The following ZNF573 variants were observed in gnomAD, a reference collection of about 807,000 sequenced individuals.
The protein encoded by ZNF573 is zinc finger protein 573.
Under a neutral mutation model 57.4 loss-of-function variants are expected in ZNF573, and 41 were observed. The ratio of observed to expected loss-of-function variants is 0.71; its 90% CI spans 0.56 to 0.93. The LOEUF (loss-of-function observed/expected upper bound fraction) is 0.93. ZNF573 is among the 40% of genes least tolerant of loss of function. The pLI is 0.00. For synonymous variants in ZNF573, 249 were observed against 261.0 expected (o/e 0.95, Z 0.44); for missense variants, 730 against 794.8 (o/e 0.92, Z 0.98).
chr19:37,768,775 C>T (rs2045625018), intron 4 of ZNF573, among the ~76,000 whole-genome samples: 1 of 151,852 alleles, frequency 6.6e-6, no homozygotes, highest in East Asian at 1.9e-4. Context: ...ATGCCATTCT[C>T]CTGCCTCAGC....
chr19:37,760,430 G>A (rs772660641), intron 4 of ZNF573, among the ~76,000 whole-genome samples: 2 of 152,100 alleles, frequency 1.3e-5, no homozygotes. Context: ...GATAGTATAG[G>A]ATTATAACTC....
intron 4 of ZNF573, among the ~76,000 whole-genome samples, chr19:37,740,972 G>A (rs1198619296): frequency 6.6e-6 from 1 of 152,212 alleles, no homozygotes; most frequent in Non-Finnish European, 1.5e-5. Context: ...AAGCCTGTAT[G>A]TGGTCAGTAC....
At chr19:37,761,651 T>G (rs2045554428) in intron 4 of ZNF573, among the ~76,000 whole-genome samples, 1 of 152,180 alleles carries the variant, frequency 6.6e-6, no homozygotes, top group Non-Finnish European at 1.5e-5. Context: ...AAGGAATACG[T>G]GTTCTGAGAG....
At chr19:37,740,463 C>A in intron 4 of ZNF573, 2 of 456,742 alleles carry the variant, frequency 4.4e-6, no homozygotes, top group South Asian at 4.1e-5. Flanking sequence ...TATATTGGCA[C>A]CGTCAAAGAC....
In ZNF573 at chr19:37,739,048, G is replaced by A. The variant is rs1159129215; in HGVS notation, c.1442C>T (p.Thr481Ile). 3 of 1,612,378 alleles carry A rather than the reference G, an allele frequency of 1.9e-6. No homozygotes were observed. The highest frequency in any genetic ancestry group is 2.5e-6 in the Non-Finnish European group (3 of 1,179,506). The part of the protein sequence containing the change: ...ECQECGKAYS[T>I]GSNLIQHRKT... ...CCGATGTTGAATAAGGTTTGAGCCA[G>A]TACTATAGGCCTTCCCACATTCCTG... Residue 481 changes from threonine (T) to isoleucine (I), a missense_variant, in exon 5 of 5, where the codon ACT (threonine) becomes ATT (isoleucine). Coordinates refer to ENST00000536220, the MANE Select transcript of ZNF573 (RefSeq NM_001172690.2).
Position 37,740,041 on chromosome 19 carries a change from A to G in ZNF573, c.449T>C (p.Ile150Thr), listed in dbSNP as rs774281379. 1 of 1,614,164 alleles carries G rather than the reference A, an allele frequency of 6.2e-7. No individual in the cohort carries two copies. Among genetic ancestry groups the G allele is most frequent in the South Asian group, 1.1e-5 (1 of 91,078 alleles). The part of the protein sequence containing the change: ...QKKFSSGYQL[I>T]LHHRFHVIER... ...AATGACATGAAACCTGTGATGTAGA[A>G]TAAGTTGATAACCACTACTAAATTT... is the stretch of plus-strand genomic sequence containing the variant. The change falls in exon 5 of 5, where the codon ATT becomes ACT. Residue 150 changes from isoleucine to threonine, a missense_variant. Coordinates refer to ENST00000536220, the MANE Select transcript of ZNF573 (RefSeq NM_001172690.2).
chr19:37,744,594 G>A (rs1172602207), intron 4 of ZNF573, among the ~76,000 whole-genome samples: 1 of 151,550 alleles, frequency 6.6e-6, no homozygotes, highest in Non-Finnish European at 1.5e-5. Flanking sequence ...TTAAAAACTT[G>A]GCTGGGCATG....
chr19:37,766,388 C>T (rs969014702), intron 4 of ZNF573, among the ~76,000 whole-genome samples: 1 of 152,202 alleles, frequency 6.6e-6, no homozygotes, highest in African/African-American at 2.4e-5. Flanking sequence ...CACTGTTTTC[C>T]TCAGCACAAT....
In ZNF573 at chr19:37,739,113, T is replaced by C. The variant is rs772456780; in HGVS notation, c.1377A>G (p.Arg459=). Residue 459 remains arginine (R), a synonymous_variant, in exon 5 of 5, where the codon CGA becomes CGG. Coordinates refer to ENST00000536220, the MANE Select transcript of ZNF573 (RefSeq NM_001172690.2). ...TCTTACCAGTGTGAATATTCTGATG[T>C]CGAGTAAGATTTCTATACAAAGTAA... is the stretch of plus-strand genomic sequence containing the variant. ...KTFTLYRNLT[R]HQNIHTGKKL... is the part of the protein sequence containing the mutation. 57 of 1,613,348 alleles carry C rather than the reference T, an allele frequency of 3.5e-5. No individual in the cohort carries two copies. The highest frequency in any genetic ancestry group is 4.7e-5 in the Non-Finnish European group (55 of 1,179,702).
rs1441042791 is a variant in ZNF573, at chr19:37,738,972, G to A, written c.1518C>T (p.Thr506=). The A allele has an allele frequency of 5.0e-6, 8 of 1,613,876 alleles. No individual in the cohort carries two copies. In the South Asian group the frequency reaches 8.8e-5, roughly 18 times the overall value. The change falls in exon 5 of 5, where the codon ACC becomes ACT. Residue 506 remains threonine, a synonymous_variant. Transcript: ENST00000536220. ...KPYKCKECGK[T]FSLHGYLNQH... Reference sequence around the variant, plus strand: ...GATTAAGATATCCATGCAAGCTAAAGGTCTTGCCACATTCCTTACATTTAT... The same window carrying A: ...GATTAAGATATCCATGCAAGCTAAAAGTCTTGCCACATTCCTTACATTTAT...
intron 2 of ZNF573, among the ~76,000 whole-genome samples, chr19:37,772,529 CTTAATT>C (rs2041818609): frequency 6.6e-6 from 1 of 151,988 alleles, no homozygotes; most frequent in South Asian, 2.1e-4. Context: ...AAGCATTTTT[CTTAATT>C]TTGACAAATA....
At chr19:37,767,064 G>C (rs1186469888) in intron 4 of ZNF573, among the ~76,000 whole-genome samples, 1 of 152,080 alleles carries the variant, frequency 6.6e-6, no homozygotes, top group Non-Finnish European at 1.5e-5. Flanking sequence ...AAGTAACAAC[G>C]TTATGTTAAA....
At chr19:37,768,465 A>G (rs10413132) in intron 4 of ZNF573, among the ~76,000 whole-genome samples, 5,226 of 151,986 alleles carry the variant, frequency 0.034, 271 homozygotes, top group African/African-American at 0.12. Flanking sequence ...TTAGCCTTCT[A>G]AGCTCTTTAT....
At position 37,762,905 on chromosome 19, in the gene ZNF573, G is replaced by A. The variant is rs2045565866; in HGVS notation, c.295+7100C>T. Among the ~76,000 whole-genome samples, 4 of 151,846 alleles carry A rather than the reference G, an allele frequency of 2.6e-5. No homozygotes were observed. The South Asian group carries it at 8.3e-4, about 32-fold the overall frequency. On this transcript the variant is annotated intron_variant, in intron 4 of 4. Coordinates refer to ENST00000536220, the MANE Select transcript of ZNF573 (RefSeq NM_001172690.2). ...TCCTGCCTCAGCCTCCTGAGTAGCT[G>A]GGATTACAGGCATGCACCACCACAC... is the stretch of plus-strand genomic sequence containing the variant.
At chr19:37,764,988 C>G (rs1367739814) in intron 4 of ZNF573, among the ~76,000 whole-genome samples, 2 of 149,876 alleles carry the variant, frequency 1.3e-5, no homozygotes, top group African/African-American at 2.5e-5. Context: ...TCACTGCAAC[C>G]TCTGCCTCCT....
chr19:37,745,876 G>A (rs1377497025), intron 4 of ZNF573, among the ~76,000 whole-genome samples: 1 of 152,112 alleles, frequency 6.6e-6, no homozygotes, highest in Non-Finnish European at 1.5e-5. Flanking sequence ...ATTAACCAAA[G>A]ACAATCCAAA....
At chr19:37,770,374 G>A (rs1239358462) in intron 3 of ZNF573, 3 of 304,356 alleles carry the variant, frequency 9.9e-6, no homozygotes, top group Non-Finnish European at 1.8e-5. Context: ...CCAGAAGGCT[G>A]GGGCACAAAT....
intron 4 of ZNF573, among the ~76,000 whole-genome samples, chr19:37,741,889 C>T (rs1414430539): frequency 6.6e-6 from 1 of 152,178 alleles, no homozygotes; most frequent in Admixed American, 6.5e-5. Context: ...CAAGTTGTCT[C>T]TGTTTGCAGA....
chr19:37,766,077 C>G (rs2045599520), intron 4 of ZNF573, among the ~76,000 whole-genome samples: 2 of 151,992 alleles, frequency 1.3e-5, no homozygotes, highest in African/African-American at 4.8e-5. Context: ...AAATATTGAT[C>G]AGCCTTTATT....
Sources: allele counts gnomAD v4.1 joint callset (sites outside exome capture counted in the v4.1 genomes callset), GRCh38; gene constraint gnomAD v4.1.1; transcripts MANE v1.5; gene names NCBI Gene and HGNC (gene_info 2026-07-23, HGNC 2026-07-21).